PTN: variants seen among roughly 807,000 people sequenced by gnomAD.
PTN encodes the protein heparin affin regulatory protein.
In PTN, 18 loss-of-function variants were observed where a neutral mutation model predicts 24.1. That is an observed-to-expected ratio of 0.75 (90% CI 0.52 to 1.11). The LOEUF is 1.11. PTN is among the 50% of genes least tolerant of loss of function. The pLI, the probability that PTN is intolerant of heterozygous loss-of-function variation, is 0.00. For synonymous variants in PTN, 78 were observed against 68.6 expected, an observed-to-expected ratio of 1.14 and a Z score of -0.67; for missense variants, 163 against 198.8, an observed-to-expected ratio of 0.82 and a Z score of 1.08.
At chr7:137,244,645 T>C (rs373209934) in intron 4 of PTN, among the ~76,000 whole-genome samples, 2 of 151,850 alleles carry the variant, frequency 1.3e-5, no homozygotes, top group East Asian at 1.9e-4. Flanking sequence ...GTTTTTTTTG[T>C]CCTTGCAATA....
intron 4 of PTN, among the ~76,000 whole-genome samples, chr7:137,238,396 A>T (rs780198877): frequency 1.3e-5 from 2 of 152,208 alleles, no homozygotes; most frequent in African/African-American, 4.8e-5. Context: ...AGAACCCTAG[A>T]TTGAAAATGC....
intron 1 of PTN, among the ~76,000 whole-genome samples, chr7:137,287,205 G>A (rs1809570326): frequency 6.6e-6 from 1 of 152,190 alleles, no homozygotes; most frequent in Non-Finnish European, 1.5e-5. Context: ...TGTTTGGTTA[G>A]TAAAAATGTT....
intron 1 of PTN, among the ~76,000 whole-genome samples, chr7:137,268,608 G>A (rs946684740): frequency 6.6e-6 from 1 of 152,222 alleles, no homozygotes; most frequent in African/African-American, 2.4e-5. Context: ...AGGTTTCACA[G>A]TGTCCTTCCA....
At chr7:137,277,076 G>T (rs565494980) in intron 1 of PTN, among the ~76,000 whole-genome samples, 2 of 152,236 alleles carry the variant, frequency 1.3e-5, no homozygotes, top group African/African-American at 4.8e-5. Context: ...AACACATAAA[G>T]AATATTTACA....
intron 1 of PTN, among the ~76,000 whole-genome samples, chr7:137,294,992 G>A (rs959683634): frequency 2.0e-5 from 3 of 152,062 alleles, no homozygotes; most frequent in Admixed American, 2.0e-4. Flanking sequence ...GGTGACTTAT[G>A]TTGATGACAG....
Position 137,228,058 on chromosome 7 carries a change from T to A in PTN, c.469A>T (p.Lys157Ter), listed in dbSNP as rs201896614. 5.8e-5 allele frequency: 92 copies of A among 1,589,872 alleles called. No individual in the cohort carries two copies. Among genetic ancestry groups the A allele is most frequent in the Non-Finnish European group, 7.8e-5 (90 of 1,159,794 alleles). ...TTCTCCTGTTTCTTGCCTTCCTTTT[T>A]CTTCTTCTTAGATTCTGCTGTGATT... ...PKPQAESKKKKKEGKKQEKML... is the reference protein window; with the variant it reads ...PKPQAESKKK The change falls in exon 5 of 5, where the codon AAA (lysine) becomes TAA (stop). Residue 157 changes from lysine (K) to a stop codon, truncating the protein, a stop_gained. Coordinates refer to ENST00000348225, the MANE Select transcript of PTN (RefSeq NM_002825.7). LOFTEE classifies it high-confidence loss of function.
chr7:137,228,175 A>G, intron 4 of PTN, 100 bp from the exon 5 acceptor site: 1 of 747,524 alleles, frequency 1.3e-6, no homozygotes, highest in South Asian at 1.6e-5. Flanking sequence ...AATTGACCAG[A>G]CTGATACACA....
intron 2 of PTN, among the ~76,000 whole-genome samples, chr7:137,254,096 G>A (rs1417486604): frequency 1.3e-5 from 2 of 152,024 alleles, no homozygotes; most frequent in Non-Finnish European, 2.9e-5. Context: ...TCAAAAGATC[G>A]AGACCATCCT....
chr7:137,232,014 G>T (rs1019764430), intron 4 of PTN, among the ~76,000 whole-genome samples: 2 of 151,846 alleles, frequency 1.3e-5, no homozygotes, highest in Non-Finnish European at 2.9e-5. Flanking sequence ...GTCATATAGC[G>T]GCTACTCTAG....
rs867877664 is a variant in PTN, at chr7:137,227,441, G to T, written c.*579C>A. ...AACAAATGCTTCTGCCAAAGTGAAA[G>T]AATTTTATGTCTTAATGCTTTTCTT... On this transcript the variant is annotated 3_prime_UTR_variant, in exon 5 of 5. Transcript: ENST00000348225. 6.7e-6 allele frequency: 1 copy of T among 148,222 alleles called. No individual in the cohort carries two copies. The highest frequency in any genetic ancestry group is 1.5e-5 in the Non-Finnish European group (1 of 66,968). The allele number at this position is 148,222 out of a possible 1,614,324, so 9.2% of individuals were successfully genotyped here.
In PTN at chr7:137,251,289, C is replaced by T. The variant is rs775594920; in HGVS notation, c.392G>A (p.Cys131Tyr). The change falls in exon 4 of 5, where the codon TGC becomes TAC. Residue 131 changes from cysteine (C) to tyrosine (Y), a missense_variant. Cys to Tyr is a radical substitution (Grantham distance 194). Coordinates refer to ENST00000348225, the MANE Select transcript of PTN (RefSeq NM_002825.7). ...SLKRALHNAE[C>Y]QKTVTISKPC... ...CTTGGAGATGGTGACAGTCTTCTGG[C>T]ATTCGGCATTGTGCAGGGCTCGCTT... is the stretch of plus-strand genomic sequence containing the variant. 1 of 1,614,098 alleles carries T rather than the reference C, an allele frequency of 6.2e-7. No homozygotes were observed. The highest frequency in any genetic ancestry group is 8.5e-7 in the Non-Finnish European group (1 of 1,180,016).
chr7:137,236,178 C>G (rs761151893), intron 4 of PTN: 11 of 702,454 alleles, frequency 1.6e-5, no homozygotes, highest in South Asian at 1.5e-4. Flanking sequence ...TCTCCCTTCA[C>G]CCAAACACTC....
intron 1 of PTN, among the ~76,000 whole-genome samples, chr7:137,279,329 G>T: frequency 6.6e-6 from 1 of 152,124 alleles, no homozygotes. Flanking sequence ...CATCTAATCA[G>T]TTAGAGGAAA....
chr7:137,341,816 C>T (rs919413118), intron 1 of PTN, among the ~76,000 whole-genome samples: 3 of 152,092 alleles, frequency 2.0e-5, no homozygotes, highest in African/African-American at 4.8e-5. Flanking sequence ...ACTTAAGGCC[C>T]AAGTTTCTTA....
At chr7:137,306,734 C>A (rs1229610331) in intron 1 of PTN, among the ~76,000 whole-genome samples, 1 of 152,070 alleles carries the variant, frequency 6.6e-6, no homozygotes, top group Non-Finnish European at 1.5e-5. Flanking sequence ...CTTTACATCA[C>A]TAAATATGAC....
Position 137,301,802 on chromosome 7 carries a change from TTTTTG to T in PTN, c.-2+41632_-2+41636del, listed in dbSNP as rs553800866. The stretch of plus-strand genomic sequence containing the variant: ...GCATGTTTTATCCTGTTTTGTTTGC[TTTTTG>T]ATTAATGTAAAAATTTTTAAAAGTA... On this transcript the variant is annotated intron_variant, in intron 1 of 4. Transcript: ENST00000348225. Among the ~76,000 whole-genome samples the T allele has an allele frequency of 1.5e-4, 23 of 152,134 alleles. 1 individual carries two copies. The South Asian group carries it at 4.3e-3, about 29-fold the overall frequency.
At chr7:137,323,336 T>A (rs1321030706) in intron 1 of PTN, among the ~76,000 whole-genome samples, 1 of 152,218 alleles carries the variant, frequency 6.6e-6, no homozygotes, top group Non-Finnish European at 1.5e-5. Context: ...AGCAGTGAAA[T>A]TTGTATTTAT....
At chr7:137,295,295 T>C (rs1035213494) in intron 1 of PTN, among the ~76,000 whole-genome samples, 3 of 152,182 alleles carry the variant, frequency 2.0e-5, no homozygotes, top group African/African-American at 7.2e-5. Flanking sequence ...TGTTCTTTTT[T>C]ATTGCTTGGA....
At chr7:137,268,590 A>C (rs1477225152) in intron 1 of PTN, among the ~76,000 whole-genome samples, 1 of 152,198 alleles carries the variant, frequency 6.6e-6, no homozygotes. Flanking sequence ...GAAACAGAAC[A>C]GAACGGGAGG....
Sources: allele counts gnomAD v4.1 joint callset (sites outside exome capture counted in the v4.1 genomes callset), GRCh38; gene constraint gnomAD v4.1.1; transcripts MANE v1.5; gene names NCBI Gene and HGNC (gene_info 2026-07-23, HGNC 2026-07-21).